Variants in CCDC178 observed in about 807,000 individuals in gnomAD.
The protein encoded by CCDC178 is coiled-coil domain containing 178.
A neutral mutation model predicts 117.4 loss-of-function variants in CCDC178; 126 were observed. The observed-to-expected ratio is 1.07, with a 90% CI of 0.93 to 1.24. The LOEUF (loss-of-function observed/expected upper bound fraction) is 1.24. Ranked by LOEUF, CCDC178 falls within the 50% of genes most tolerant of loss-of-function variation. The pLI is 0.00. For missense variants in CCDC178, 1,030 were observed against 986.9 expected (o/e 1.04, Z -0.59); for synonymous variants, 283 against 313.4 (o/e 0.90, Z 1.02).
chr18:33,181,940 G>T (rs369042108), intron 20 of CCDC178, among the ~76,000 whole-genome samples: 1 of 151,760 alleles, frequency 6.6e-6, no homozygotes, highest in Non-Finnish European at 1.5e-5. Flanking sequence ...ACACCATACC[G>T]TGTAATAAGG....
intron 4 of CCDC178, among the ~76,000 whole-genome samples, chr18:33,396,755 GC>G (rs1363905791): frequency 1.3e-5 from 2 of 152,036 alleles, no homozygotes; most frequent in East Asian, 3.9e-4. Flanking sequence ...CACCACAAAA[GC>G]CCAGGTAGTG....
chr18:33,075,855 G>C (rs2057196932), intron 21 of CCDC178, among the ~76,000 whole-genome samples: 1 of 152,084 alleles, frequency 6.6e-6, no homozygotes, highest in Admixed American at 6.5e-5. Flanking sequence ...TGTAATCCCA[G>C]CTACTCGGGA....
At position 33,238,226 on chromosome 18, in the gene CCDC178, A is replaced by G. The variant is rs1486482479; in HGVS notation, c.1593+7019T>C. ...CACCAGATGCACAGATACCAACATA[A>G]GGAAACAATAAACATGAAAAAGCAA... On this transcript the variant is annotated intron_variant, in intron 15 of 22. Transcript: ENST00000383096. Among the ~76,000 whole-genome samples the G allele has an allele frequency of 1.4e-4, 22 of 152,194 alleles. 1 individual carries two copies. The highest frequency in any genetic ancestry group is 1.4e-3 in the Admixed American group (22 of 15,276).
intron 6 of CCDC178, among the ~76,000 whole-genome samples, chr18:33,364,738 T>A (rs1217383997): frequency 9.3e-5 from 14 of 149,932 alleles, no homozygotes; most frequent in Admixed American, 9.3e-4. Flanking sequence ...GCTCCTTTTT[T>A]TTTTTTTTTT....
intron 12 of CCDC178, among the ~76,000 whole-genome samples, chr18:33,291,897 A>G (rs1402387358): frequency 1.3e-5 from 2 of 152,154 alleles, no homozygotes; most frequent in Admixed American, 1.3e-4. Context: ...GGTACTATCA[A>G]AAAGACAAAA....
intron 19 of CCDC178, among the ~76,000 whole-genome samples, chr18:33,213,534 A>T (rs961077744): frequency 2.0e-5 from 3 of 151,952 alleles, no homozygotes; most frequent in Non-Finnish European, 4.4e-5. Context: ...TAAAATGTTC[A>T]TAGTTGATCC....
chr18:33,245,201 C>T, intron 15 of CCDC178, 44 bp downstream of exon 15: 1 of 1,433,970 alleles, frequency 7.0e-7, no homozygotes, highest in Middle Eastern at 1.8e-4. Context: ...AGGTAAATTA[C>T]TCTTTTTTTC....
rs574031899 is a variant in CCDC178, at chr18:33,364,844, T to C, written c.348+5206A>G. Among the ~76,000 whole-genome samples, 14 of 148,882 alleles carry C rather than the reference T, an allele frequency of 9.4e-5. No individual in the cohort carries two copies. In the South Asian group the frequency reaches 2.4e-3, roughly 25 times the overall value. ...CCACAGACTACTAGAAAAATTTCAA[T>C]TGACAAACAATAATTTCAGAGCACT... On this transcript the variant is annotated intron_variant, in intron 6 of 22. Transcript: ENST00000383096.
At chr18:33,330,854 A>G (rs1028324127) in intron 10 of CCDC178, among the ~76,000 whole-genome samples, 1 of 152,048 alleles carries the variant, frequency 6.6e-6, no homozygotes, top group African/African-American at 2.4e-5. Context: ...TATGGAGAAT[A>G]ATATGTTTTA....
chr18:33,031,731 A>G (rs2056347399), intron 21 of CCDC178, among the ~76,000 whole-genome samples: 3 of 152,080 alleles, frequency 2.0e-5, no homozygotes, highest in Admixed American at 1.3e-4. Context: ...AGTCCTAGAC[A>G]TATATGCAAC....
chr18:33,065,928 C>G (rs1322308025), intron 21 of CCDC178, among the ~76,000 whole-genome samples: 2 of 143,806 alleles, frequency 1.4e-5, no homozygotes, highest in East Asian at 4.1e-4. Flanking sequence ...GTGGCGTGAT[C>G]TTGGCTCACT....
At chr18:33,366,114 C>T (rs868525413) in intron 6 of CCDC178, among the ~76,000 whole-genome samples, 1 of 152,020 alleles carries the variant, frequency 6.6e-6, no homozygotes, top group Non-Finnish European at 1.5e-5. Flanking sequence ...TGATCTTTTA[C>T]TCATTCAGTG....
At chr18:33,222,833 T>C (rs1009287053) in intron 18 of CCDC178, among the ~76,000 whole-genome samples, 2 of 152,218 alleles carry the variant, frequency 1.3e-5, no homozygotes, top group South Asian at 4.1e-4. Context: ...AGTAGACTTC[T>C]GCATGAATCC....
Position 33,035,748 on chromosome 18 carries a change from G to A in CCDC178, c.2388+57013C>T, listed in dbSNP as rs910556555. ...TTGATTGTGGTAATCATTACATATT[G>A]CATAAGTATTAATATATCAAATCAT... On this transcript the variant is annotated intron_variant, in intron 21 of 22. Transcript: ENST00000383096. Among the ~76,000 whole-genome samples, 5 of 151,986 alleles carry A rather than the reference G, an allele frequency of 3.3e-5. No homozygotes were observed. In the South Asian group the frequency reaches 8.3e-4, roughly 25 times the overall value.
rs1044008770 is a variant in CCDC178, at chr18:33,269,129, T to C, written c.1177-1832A>G. The stretch of plus-strand genomic sequence containing the variant: ...ACCTCCACTTGCAAGGATGTCTGCA[T>C]TTGATTTGATGCAGAGTTTACCAGC... On this transcript the variant is annotated intron_variant, in intron 12 of 22. Transcript: ENST00000383096. Among the ~76,000 whole-genome samples, 12 of 151,920 alleles carry C rather than the reference T, an allele frequency of 7.9e-5. No individual in the cohort carries two copies. The South Asian group carries it at 2.5e-3, about 31-fold the overall frequency.
At chr18:33,091,459 C>T (rs973824242) in intron 21 of CCDC178, among the ~76,000 whole-genome samples, 9 of 148,900 alleles carry the variant, frequency 6.0e-5, no homozygotes, top group African/African-American at 2.0e-4. Context: ...GCCTCAGCCT[C>T]CTGAGTAACT....
At chr18:33,144,482 T>C (rs1352660104) in intron 20 of CCDC178, among the ~76,000 whole-genome samples, 6 of 152,250 alleles carry the variant, frequency 3.9e-5, no homozygotes, top group East Asian at 1.9e-4. Context: ...TATAATATTA[T>C]AGTGCTAGCA....
At chr18:33,357,492 T>G (rs1004518491) in intron 6 of CCDC178, among the ~76,000 whole-genome samples, 1 of 152,158 alleles carries the variant, frequency 6.6e-6, no homozygotes, top group South Asian at 2.1e-4. Flanking sequence ...AAGACTTTCC[T>G]AACAGTCAGA....
At chr18:33,261,091 G>GTTTC (rs1439635829) in intron 14 of CCDC178, among the ~76,000 whole-genome samples, 1 of 150,110 alleles carries the variant, frequency 6.7e-6, no homozygotes, top group Non-Finnish European at 1.5e-5. Context: ...CTGTTTGTTT[G>GTTTC]TTTGTTTGTT....
Sources: allele counts gnomAD v4.1 joint callset (sites outside exome capture counted in the v4.1 genomes callset), GRCh38; gene constraint gnomAD v4.1.1; transcripts MANE v1.5; gene names NCBI Gene and HGNC (gene_info 2026-07-23, HGNC 2026-07-21).